GALNT14: variants seen among roughly 807,000 people sequenced by gnomAD.
GALNT14 encodes polypeptide N-acetylgalactosaminyltransferase 14.
Under a neutral mutation model 77.5 loss-of-function variants are expected in GALNT14, and 60 were observed. The ratio of observed to expected loss-of-function variants is 0.77; its 90% confidence interval spans 0.63 to 0.96. GALNT14 has a LOEUF of 0.96. Ranked by LOEUF, GALNT14 falls within the 40% of genes least tolerant of loss-of-function variation. The pLI is 0.00. For synonymous variants in GALNT14, 280 were observed against 281.7 expected (o/e 0.99, Z 0.06); for missense variants, 710 against 731.0 (o/e 0.97, Z 0.33).
chr2:30,991,251 C>G (rs75096586), intron 2 of GALNT14: 4 of 151,910 alleles, frequency 2.6e-5, no homozygotes, highest in African/African-American at 9.7e-5. Flanking sequence ...TCCCTTTGTC[C>G]CTCAAGAAAG....
chr2:31,100,390 T>C (rs919282160), intron 1 of GALNT14, among the ~76,000 whole-genome samples: 7 of 152,118 alleles, frequency 4.6e-5, no homozygotes. Context: ...GTGAAAAGTA[T>C]TAATTTATGT....
intron 1 of GALNT14, among the ~76,000 whole-genome samples, chr2:31,067,065 T>C (rs1182945760): frequency 1.3e-5 from 2 of 152,070 alleles, no homozygotes; most frequent in Admixed American, 1.3e-4. Context: ...CCCCCAGCAG[T>C]CTTGGCATCA....
chr2:31,007,245 G>A (rs1489534442), intron 1 of GALNT14, among the ~76,000 whole-genome samples: 1 of 152,296 alleles, frequency 6.6e-6, no homozygotes, highest in Non-Finnish European at 1.5e-5. Context: ...ATGGCAGTGG[G>A]CTGAGAAGCT....
chr2:31,079,066 T>A, intron 1 of GALNT14: 1 of 1,253,354 alleles, frequency 8.0e-7, no homozygotes. Flanking sequence ...TGTTTTCAAT[T>A]CTAGAAAACA....
intron 9 of GALNT14, among the ~76,000 whole-genome samples, chr2:30,938,925 T>G (rs913358514): frequency 6.6e-6 from 1 of 152,238 alleles, no homozygotes; most frequent in African/African-American, 2.4e-5. Flanking sequence ...CAGCTGCTAT[T>G]ATTCTCGTAT....
At chr2:31,119,353 T>C (rs1161443400) in intron 1 of GALNT14, among the ~76,000 whole-genome samples, 2 of 152,174 alleles carry the variant, frequency 1.3e-5, no homozygotes, top group Non-Finnish European at 2.9e-5. Flanking sequence ...AAGAGCTCTT[T>C]TACTTGGCAA....
At chr2:30,955,138 C>T (rs1354734939) in intron 6 of GALNT14, among the ~76,000 whole-genome samples, 1 of 152,124 alleles carries the variant, frequency 6.6e-6, no homozygotes, top group African/African-American at 2.4e-5. Context: ...GCAAGGAATT[C>T]AGGTCTCTTA....
intron 1 of GALNT14, among the ~76,000 whole-genome samples, chr2:31,134,469 T>A (rs1469639312): frequency 6.6e-6 from 1 of 152,218 alleles, no homozygotes; most frequent in Non-Finnish European, 1.5e-5. Flanking sequence ...TTCCCTATGA[T>A]AGATGGAAGT....
rs1014892751 is a variant in GALNT14, at chr2:30,930,818, C to G, written c.1058+1250G>C. On this transcript the variant is annotated intron_variant, in intron 10 of 14. Transcript: ENST00000349752. ...TGCCTCCCTGGCCCCTTCCACTGACCTAGCCATTAGCACATTGGAAGCTGT... is the reference window on the plus strand; with the variant it reads ...TGCCTCCCTGGCCCCTTCCACTGACGTAGCCATTAGCACATTGGAAGCTGT... Among the ~76,000 whole-genome samples the G allele has an allele frequency of 2.6e-5, 4 of 152,352 alleles. No homozygotes were observed. The South Asian group carries it at 6.2e-4, about 24-fold the overall frequency.
chr2:31,092,832 T>C (rs1676820550), intron 1 of GALNT14, among the ~76,000 whole-genome samples: 1 of 152,216 alleles, frequency 6.6e-6, no homozygotes, highest in Admixed American at 6.5e-5. Context: ...ACCCTTTCAT[T>C]AGGTTGGTGC....
At chr2:31,101,659 C>T (rs116012294) in intron 1 of GALNT14, among the ~76,000 whole-genome samples, 297 of 152,136 alleles carry the variant, frequency 2.0e-3, no homozygotes, top group African/African-American at 5.7e-3. Flanking sequence ...CATATCATTC[C>T]TTATTGTATG....
At chr2:30,887,691 G>A in the GALNT14 span, among the ~76,000 whole-genome samples, 1 of 152,054 alleles carries the variant, frequency 6.6e-6, no homozygotes, top group African/African-American at 2.4e-5. Flanking sequence ...ACCTTTTGAC[G>A]CACATAAGTT....
chr2:31,037,552 C>T (rs186096239), intron 1 of GALNT14, among the ~76,000 whole-genome samples: 3 of 152,248 alleles, frequency 2.0e-5, no homozygotes, highest in African/African-American at 7.2e-5. Flanking sequence ...TCATGCTTTC[C>T]CATACTTTTG....
At chr2:31,124,065 G>T (rs1435873377) in intron 1 of GALNT14, among the ~76,000 whole-genome samples, 1 of 152,166 alleles carries the variant, frequency 6.6e-6, no homozygotes, top group Non-Finnish European at 1.5e-5. Flanking sequence ...CCTACACAGG[G>T]CTTCCCACAC....
At chr2:30,932,422 C>T (rs922839965) in intron 9 of GALNT14, among the ~76,000 whole-genome samples, 2 of 152,364 alleles carry the variant, frequency 1.3e-5, no homozygotes, top group African/African-American at 4.8e-5. Context: ...TGCAAACCAA[C>T]ACGCTGGCCT....
intron 13 of GALNT14, among the ~76,000 whole-genome samples, chr2:30,920,607 G>T (rs1664971512): frequency 6.6e-6 from 1 of 150,536 alleles, no homozygotes; most frequent in Admixed American, 6.6e-5. Flanking sequence ...GGCCATATAA[G>T]TCAGTCCTAT....
intron 2 of GALNT14, among the ~76,000 whole-genome samples, chr2:30,970,273 G>A (rs1029670774): frequency 5.9e-5 from 9 of 152,162 alleles, no homozygotes; most frequent in African/African-American, 2.2e-4. Flanking sequence ...CAATGTGAGT[G>A]AAAAGAACCT....
intron 2 of GALNT14, among the ~76,000 whole-genome samples, chr2:30,980,995 C>A (rs1668956064): frequency 6.6e-6 from 1 of 152,210 alleles, no homozygotes; most frequent in South Asian, 2.1e-4. Context: ...ACCGCTTGAA[C>A]CTGGGGGCAC....
chr2:31,044,288 CACACTGCCCTCTTAAA>C lies in GALNT14; in HGVS notation c.130-51297_130-51282del, dbSNP rs540049892. 2.6e-5 allele frequency among the ~76,000 whole-genome samples: 4 copies of C among 152,288 alleles called. No homozygotes were observed. In the South Asian group the frequency reaches 8.3e-4, roughly 32 times the overall value. ...CATCTCATTGTGTTCACAAACTCAA[CACACTGCCCTCTTAAA>C]ATAAACACACTGGATAGAGCTTTCT... On this transcript the variant is annotated intron_variant, in intron 1 of 14. Coordinates refer to ENST00000349752, the MANE Select transcript of GALNT14 (RefSeq NM_024572.4).
Sources: gnomAD v4.1 joint callset for allele counts (sites outside exome capture counted in the v4.1 genomes callset) on GRCh38, gnomAD v4.1.1 for gene constraint, MANE v1.5 for transcripts, NCBI Gene and HGNC (gene_info 2026-07-23, HGNC 2026-07-21) for gene names.